Variants in ZNF804A observed in about 807,000 individuals in gnomAD.
The protein encoded by ZNF804A is zinc finger protein 804A.
Under a neutral mutation model 16.5 loss-of-function variants are expected in ZNF804A, and 2 were observed. The ratio of observed to expected loss-of-function variants is 0.12; its 90% CI spans 0.05 to 0.38. ZNF804A has a LOEUF of 0.38. ZNF804A is among the 10% of genes least tolerant of loss of function. ZNF804A has a pLI of 0.99. For synonymous variants in ZNF804A, 534 were observed against 489.6 expected (o/e 1.09, Z -1.20); for missense variants, 1,473 against 1,390.7 (o/e 1.06, Z -0.94).
chr2:184,643,544 A>G (rs62176207), intron 1 of ZNF804A, among the ~76,000 whole-genome samples: 18,938 of 151,938 alleles, frequency 0.12, 1,262 homozygotes, highest in Middle Eastern at 0.23. Context: ...TTACTATACA[A>G]TTCAAATAAA....
At chr2:184,790,999 C>T (rs1402613502) in intron 1 of ZNF804A, among the ~76,000 whole-genome samples, 2 of 152,168 alleles carry the variant, frequency 1.3e-5, no homozygotes, top group Non-Finnish European at 2.9e-5. Context: ...GCTACTCCTG[C>T]TCACTTTTGT....
chr2:184,793,166 A>G (rs974729210), intron 1 of ZNF804A, among the ~76,000 whole-genome samples: 1 of 151,838 alleles, frequency 6.6e-6, no homozygotes, highest in Admixed American at 6.6e-5. Flanking sequence ...TCCTCATCCA[A>G]CCTACCATTG....
At chr2:184,677,595 A>G (rs2105716717) in intron 1 of ZNF804A, among the ~76,000 whole-genome samples, 1 of 152,170 alleles carries the variant, frequency 6.6e-6, no homozygotes. Context: ...CATATAATTT[A>G]TAACATCAAG....
At chr2:184,686,307 C>T (rs1231862937) in intron 1 of ZNF804A, among the ~76,000 whole-genome samples, 1 of 152,182 alleles carries the variant, frequency 6.6e-6, no homozygotes, top group Non-Finnish European at 1.5e-5. Flanking sequence ...CCCCCTGGAG[C>T]ATGTAACCCC....
At position 184,938,512 on chromosome 2, in the gene ZNF804A, A is replaced by G; in HGVS notation, c.3116A>G (p.Glu1039Gly). The change falls in exon 4 of 4, where the codon GAA becomes GGA. Residue 1039 changes from glutamate (E) to glycine (G), a missense_variant. Coordinates refer to ENST00000302277, the MANE Select transcript of ZNF804A (RefSeq NM_194250.2). ...LPEQALLIPL[E>G]NHDKFKNVPC... Reference sequence around the variant, plus strand: ...GAGCAAGCATTATTGATCCCACTAGAAAACCATGACAAATTCAAAAATGTA... The same window carrying G: ...GAGCAAGCATTATTGATCCCACTAGGAAACCATGACAAATTCAAAAATGTA... 6.2e-7 allele frequency: 1 copy of G among 1,614,092 alleles called. No homozygotes were observed. The highest frequency in any genetic ancestry group is 8.5e-7 in the Non-Finnish European group (1 of 1,180,016).
chr2:184,609,477 C>A (rs1336939558), intron 1 of ZNF804A, among the ~76,000 whole-genome samples: 1 of 152,192 alleles, frequency 6.6e-6, no homozygotes, highest in Non-Finnish European at 1.5e-5. Context: ...TAAAAATTAA[C>A]TCTTTGCCTT....
At chr2:184,920,333 G>C (rs1159359734) in intron 2 of ZNF804A, among the ~76,000 whole-genome samples, 1 of 152,188 alleles carries the variant, frequency 6.6e-6, no homozygotes, top group East Asian at 1.9e-4. Flanking sequence ...GCGACTATGA[G>C]CAGTGGTCAG....
At chr2:184,914,728 A>T (rs1685418763) in intron 2 of ZNF804A, among the ~76,000 whole-genome samples, 1 of 152,074 alleles carries the variant, frequency 6.6e-6, no homozygotes, top group Admixed American at 6.6e-5. Flanking sequence ...TGAAAAAGAT[A>T]AAAAGAATAA....
intron 1 of ZNF804A, among the ~76,000 whole-genome samples, chr2:184,670,318 T>G (rs1293076685): frequency 4.6e-5 from 7 of 152,064 alleles, no homozygotes; most frequent in Admixed American, 3.3e-4. Flanking sequence ...CCCCAGTTAT[T>G]ATATTTCTAG....
chr2:184,678,069 ATTAG>A (rs1444634520), intron 1 of ZNF804A, among the ~76,000 whole-genome samples: 20 of 152,162 alleles, frequency 1.3e-4, no homozygotes, highest in Non-Finnish European at 2.1e-4. Flanking sequence ...GTAATAATTA[ATTAG>A]TTAGTGAATT....
intron 1 of ZNF804A, among the ~76,000 whole-genome samples, chr2:184,847,641 T>G (rs1237419140): frequency 2.0e-5 from 3 of 152,008 alleles, no homozygotes; most frequent in Admixed American, 1.3e-4. Context: ...TCACACTAAT[T>G]AATCCTCCAA....
chr2:184,855,692 G>T (rs1230039880), intron 1 of ZNF804A, among the ~76,000 whole-genome samples: 1 of 151,916 alleles, frequency 6.6e-6, no homozygotes, highest in Non-Finnish European at 1.5e-5. Flanking sequence ...ATATGTGGGT[G>T]GGTGTGGAAG....
intron 1 of ZNF804A, among the ~76,000 whole-genome samples, chr2:184,715,870 A>G (rs13383910): frequency 0.26 from 39,163 of 152,052 alleles, 7,881 homozygotes; most frequent in African/African-American, 0.56. Flanking sequence ...TTTTCACTAA[A>G]TCTGCTTTGC....
chr2:184,643,237 A>G (rs1469083802), intron 1 of ZNF804A, among the ~76,000 whole-genome samples: 1 of 152,032 alleles, frequency 6.6e-6, no homozygotes, highest in African/African-American at 2.4e-5. Context: ...ACAGCAAGTT[A>G]TAATGCAAAA....
At chr2:184,770,881 C>G (rs1694201493) in intron 1 of ZNF804A, among the ~76,000 whole-genome samples, 1 of 151,974 alleles carries the variant, frequency 6.6e-6, no homozygotes, top group African/African-American at 2.4e-5. Context: ...TATTCTATAA[C>G]CCAAAATCTT....
chr2:184,887,049 C>T (rs1684902699), intron 2 of ZNF804A, among the ~76,000 whole-genome samples: 1 of 152,210 alleles, frequency 6.6e-6, no homozygotes, highest in African/African-American at 2.4e-5. Flanking sequence ...AACTTATATT[C>T]TCTGCTTCCC....
intron 1 of ZNF804A, among the ~76,000 whole-genome samples, chr2:184,670,641 A>G (rs1414425193): frequency 6.6e-6 from 1 of 152,060 alleles, no homozygotes; most frequent in East Asian, 1.9e-4. Context: ...CCTTTTTAAT[A>G]CAATTCAATA....
intron 2 of ZNF804A, among the ~76,000 whole-genome samples, chr2:184,914,656 T>C (rs1417060655): frequency 6.6e-6 from 1 of 152,120 alleles, no homozygotes; most frequent in Admixed American, 6.6e-5. Flanking sequence ...GCTAAACTGT[T>C]ACAATTAATT....
chr2:184,786,392 G>A (rs1283358740), intron 1 of ZNF804A, among the ~76,000 whole-genome samples: 2 of 152,006 alleles, frequency 1.3e-5, no homozygotes, highest in South Asian at 2.1e-4. Flanking sequence ...ATGAACTACA[G>A]TGAAAACTGG....
Sources: gnomAD v4.1 joint callset for allele counts (sites outside exome capture counted in the v4.1 genomes callset) on GRCh38, gnomAD v4.1.1 for gene constraint, MANE v1.5 for transcripts, NCBI Gene and HGNC (gene_info 2026-07-23, HGNC 2026-07-21) for gene names.